Variants in CLPB observed in about 807,000 individuals in gnomAD.
CLPB encodes the protein ClpB family mitochondrial disaggregase.
CLPB carries 40 observed loss-of-function variants against 78.4 expected under a neutral mutation model. The ratio of observed to expected loss-of-function variants is 0.51; its 90% CI spans 0.40 to 0.66. The LOEUF (loss-of-function observed/expected upper bound fraction) is 0.66, where lower values mean the gene tolerates loss of function less well. CLPB is among the 30% of genes least tolerant of loss of function. The probability of loss-of-function intolerance (pLI) is 0.00; values close to 1 mark genes in which losing one functional copy is unlikely to be tolerated. For missense variants in CLPB, 780 were observed against 886.9 expected (o/e 0.88, Z 1.53); for synonymous variants, 333 against 348.0 (o/e 0.96, Z 0.48).
chr11:72,433,593 T>G, intron 1 of CLPB, among the ~76,000 whole-genome samples: 1 of 144,328 alleles, frequency 6.9e-6, no homozygotes. Flanking sequence ...ATAAATAAAT[T>G]GAGGTCAAGC....
chr11:72,336,824 G>A, intron 5 of CLPB: 1 of 353,190 alleles, frequency 2.8e-6, no homozygotes, highest in Non-Finnish European at 5.1e-6. Flanking sequence ...AGAGAGAGTG[G>A]CAGGATGACC....
At chr11:72,381,838 C>T (rs1377440205) in intron 3 of CLPB, among the ~76,000 whole-genome samples, 1 of 152,148 alleles carries the variant, frequency 6.6e-6, no homozygotes, top group African/African-American at 2.4e-5. Flanking sequence ...AGGCTCTAGG[C>T]CTGCTCAGTT....
At chr11:72,356,456 G>A (rs1031924660) in intron 5 of CLPB, among the ~76,000 whole-genome samples, 11 of 152,040 alleles carry the variant, frequency 7.2e-5, no homozygotes, top group Non-Finnish European at 1.5e-4. Context: ...ACACACACAG[G>A]CAGACCAAGG....
At chr11:72,385,771 C>T (rs1010450140) in intron 3 of CLPB, among the ~76,000 whole-genome samples, 7 of 152,120 alleles carry the variant, frequency 4.6e-5, no homozygotes, top group African/African-American at 1.7e-4. Flanking sequence ...TGCAGTGAGC[C>T]GAGATCGCGC....
At chr11:72,329,893 C>A in intron 5 of CLPB, 89 bp from the exon 6 acceptor site, 1 of 975,448 alleles carries the variant, frequency 1.0e-6, no homozygotes, top group Non-Finnish European at 1.6e-6. Flanking sequence ...GCTCTGATTT[C>A]TATGTTGGGA....
rs777202372 is a variant in CLPB, at chr11:72,358,997, G to T, written c.658C>A (p.Arg220=). 1 of 1,613,446 alleles carries T rather than the reference G, an allele frequency of 6.2e-7. No individual in the cohort carries two copies. Among genetic ancestry groups the T allele is most frequent in the East Asian group, 2.2e-5 (1 of 44,856 alleles). Residue 220 remains arginine (R), a synonymous_variant, in exon 5 of 16, where the codon CGA becomes AGA. Transcript: ENST00000538039. The part of the protein sequence containing the change: ...GIHSLEVLIT[R]EDDFNNRLNN... ...AGCCTGTTGTTGAAGTCATCCTCTCGGGTGATCAGGACTGGGGAGACAGCA... is the reference window on the plus strand; with the variant it reads ...AGCCTGTTGTTGAAGTCATCCTCTCTGGTGATCAGGACTGGGGAGACAGCA...
chr11:72,348,236 C>T (rs1331120252), intron 5 of CLPB, among the ~76,000 whole-genome samples: 5 of 152,238 alleles, frequency 3.3e-5, no homozygotes, highest in Non-Finnish European at 7.3e-5. Flanking sequence ...TGCATGTCTT[C>T]TGGTACTACT....
intron 2 of CLPB, among the ~76,000 whole-genome samples, chr11:72,412,506 A>G (rs776048251): frequency 6.6e-6 from 1 of 152,168 alleles, no homozygotes; most frequent in Non-Finnish European, 1.5e-5. Context: ...ATCAGTCCAA[A>G]TCTTCCTTTT....
chr11:72,386,695 T>C lies in CLPB; in HGVS notation c.543-6311A>G, dbSNP rs147859079. Among the ~76,000 whole-genome samples, 1,175 of 152,364 alleles carry C rather than the reference T, an allele frequency of 7.7e-3. 12 individuals carry two copies. The highest frequency in any genetic ancestry group is 0.011 in the Non-Finnish European group (733 of 68,028). On this transcript the variant is annotated intron_variant, in intron 3 of 15. Coordinates refer to ENST00000538039, the MANE Select transcript of CLPB (RefSeq NM_001258392.3). ...ACCTAAATCAGTTAAGTGAGTCTTC[T>C]GTGCCTACTCACCTTACCTAAAATA... is the stretch of plus-strand genomic sequence containing the variant.
At chr11:72,421,086 C>G (rs1187514089) in intron 2 of CLPB, among the ~76,000 whole-genome samples, 1 of 152,182 alleles carries the variant, frequency 6.6e-6, no homozygotes, top group African/African-American at 2.4e-5. Flanking sequence ...TATTAAAATG[C>G]TAGGGTGGGA....
chr11:72,313,219 C>T (rs1036538592), intron 7 of CLPB, among the ~76,000 whole-genome samples: 1 of 152,164 alleles, frequency 6.6e-6, no homozygotes, highest in Non-Finnish European at 1.5e-5. Flanking sequence ...GGTTGAGAGT[C>T]ATACAAATGT....
chr11:72,318,718 A>G (rs561337361), intron 6 of CLPB, among the ~76,000 whole-genome samples: 17 of 152,224 alleles, frequency 1.1e-4, no homozygotes, highest in Non-Finnish European at 2.2e-4. Flanking sequence ...TGTTGCTATC[A>G]GTCTATAACT....
chr11:72,296,699 C>T (rs1481259238), intron 11 of CLPB, among the ~76,000 whole-genome samples: 2 of 152,190 alleles, frequency 1.3e-5, no homozygotes, highest in Non-Finnish European at 2.9e-5. Context: ...TACAACCCCA[C>T]TCCTTCTACT....
chr11:72,286,477 TC>T lies in CLPB; in HGVS notation c.*6889del, dbSNP rs1379538514. The stretch of plus-strand genomic sequence containing the variant: ...CCCTCAGATTTCCCAAATGTTAACA[TC>T]TTTTTTTTGTTTGTTTTTGAGACAG... On this transcript the variant is annotated 3_prime_UTR_variant, in exon 16 of 16. Transcript: ENST00000538039. 2.6e-5 allele frequency: 4 copies of T among 151,714 alleles called. No individual in the cohort carries two copies. Among genetic ancestry groups the T allele is most frequent in the African/African-American group, 9.7e-5 (4 of 41,244 alleles). 9.4% of individuals were successfully genotyped at this position (151,714 alleles called of 1,614,324 possible). A position where few individuals can be genotyped will look rare whatever the true frequency, so the allele number is the denominator to read the frequency against.
intron 5 of CLPB, among the ~76,000 whole-genome samples, chr11:72,330,290 CCTGT>C (rs1950201322): frequency 6.6e-6 from 1 of 152,194 alleles, no homozygotes; most frequent in African/African-American, 2.4e-5. Flanking sequence ...CTGGGCATTT[CCTGT>C]CTGTCTGAGT....
chr11:72,309,332 T>C (rs764753932), intron 7 of CLPB, among the ~76,000 whole-genome samples: 1 of 152,134 alleles, frequency 6.6e-6, no homozygotes, highest in Non-Finnish European at 1.5e-5. Context: ...AGAGGACGTA[T>C]GTAATTAAGG....
At chr11:72,402,813 CAATGCACCAGGTGA>C (rs1280366988) in intron 3 of CLPB, among the ~76,000 whole-genome samples, 139 bp downstream of exon 3, 4 of 152,214 alleles carry the variant, frequency 2.6e-5, no homozygotes, top group Non-Finnish European at 2.9e-5. Flanking sequence ...CTATACAGTC[CAATGCACCAGGTGA>C]AGTCCAGTAC....
intron 5 of CLPB, among the ~76,000 whole-genome samples, chr11:72,331,129 G>T (rs1278874542): frequency 6.6e-6 from 1 of 151,570 alleles, no homozygotes; most frequent in Non-Finnish European, 1.5e-5. Context: ...TTTTGGCCAG[G>T]TGTGGTGGCT....
At chr11:72,433,767 C>T (rs1238603971) in intron 1 of CLPB, among the ~76,000 whole-genome samples, 1 of 151,798 alleles carries the variant, frequency 6.6e-6, no homozygotes, top group African/African-American at 2.4e-5. Flanking sequence ...TTGGACCAGG[C>T]AGAATATGAG....
Sources: allele counts gnomAD v4.1 joint callset (sites outside exome capture counted in the v4.1 genomes callset), GRCh38; gene constraint gnomAD v4.1.1; transcripts MANE v1.5; gene names NCBI Gene and HGNC (gene_info 2026-07-23, HGNC 2026-07-21).